ATP8A2: variants seen among roughly 807,000 people sequenced by gnomAD.
ATP8A2 encodes ATPase phospholipid transporting 8A2, also known as phospholipid-transporting ATPase IB.
A neutral mutation model predicts 165.6 loss-of-function variants in ATP8A2; 100 were observed. The ratio of observed to expected loss-of-function variants is 0.60; its 90% CI spans 0.51 to 0.71. ATP8A2 has a LOEUF of 0.71. Ranked by LOEUF, ATP8A2 falls within the 30% of genes least tolerant of loss-of-function variation. The pLI is 0.00. For synonymous variants in ATP8A2, 543 were observed against 548.8 expected, an observed-to-expected ratio of 0.99 and a Z score of 0.15; for missense variants, 1,227 against 1,479.5, an observed-to-expected ratio of 0.83 and a Z score of 2.80.
intron 24 of ATP8A2, among the ~76,000 whole-genome samples, chr13:25,606,088 T>C (rs1189589917): frequency 6.6e-6 from 1 of 152,222 alleles, no homozygotes; most frequent in Non-Finnish European, 1.5e-5. Flanking sequence ...GAAATGTGGG[T>C]ATTTTCTCAG....
chr13:25,785,054 G>A (rs1328284048), intron 27 of ATP8A2, among the ~76,000 whole-genome samples: 1 of 150,362 alleles, frequency 6.7e-6, no homozygotes. Context: ...TGAGCCACAC[G>A]TGGCCTACAT....
At chr13:25,666,266 A>G (rs1248678192) in intron 24 of ATP8A2, among the ~76,000 whole-genome samples, 1 of 152,054 alleles carries the variant, frequency 6.6e-6, no homozygotes, top group Non-Finnish European at 1.5e-5. Flanking sequence ...GCTGGATTGC[A>G]GTGGCACAAT....
chr13:25,565,691 C>T (rs1172026702), intron 16 of ATP8A2, among the ~76,000 whole-genome samples: 2 of 152,284 alleles, frequency 1.3e-5, no homozygotes, highest in East Asian at 3.9e-4. Flanking sequence ...TCTGTTTACT[C>T]TGCTGACTGT....
chr13:25,490,918 A>T (rs2036511347), intron 2 of ATP8A2, among the ~76,000 whole-genome samples: 1 of 151,830 alleles, frequency 6.6e-6, no homozygotes, highest in Admixed American at 6.6e-5. Context: ...ATTAAAGAAA[A>T]AATTTAGAGG....
chr13:25,738,907 T>C (rs2043845325), intron 25 of ATP8A2, among the ~76,000 whole-genome samples: 1 of 150,532 alleles, frequency 6.6e-6, no homozygotes, highest in Non-Finnish European at 1.5e-5. Flanking sequence ...CTAAAAATAG[T>C]GTACATTATT....
intron 24 of ATP8A2, among the ~76,000 whole-genome samples, chr13:25,654,450 C>T (rs141016400): frequency 2.6e-5 from 4 of 152,152 alleles, no homozygotes; most frequent in African/African-American, 7.2e-5. Flanking sequence ...ATGATCTGCC[C>T]GCCTTGGCCT....
At chr13:25,875,723 A>AAC (rs1325282506) in intron 33 of ATP8A2, among the ~76,000 whole-genome samples, 2 of 149,488 alleles carry the variant, frequency 1.3e-5, no homozygotes, top group African/African-American at 5.2e-5. Flanking sequence ...CACATAGGTG[A>AAC]TGTCTGTGGC....
chr13:25,465,755 C>CTCTCTCTCTCTCTCTCTCTCTT (rs746455176), intron 1 of ATP8A2, among the ~76,000 whole-genome samples: 4 of 11,834 alleles, frequency 3.4e-4, no homozygotes, highest in South Asian at 5.3e-3. Flanking sequence ...CTCCCTCTCT[C>CTCTCTCTCTCTCTCTCTCTCTT]TCTCTCTTTC....
In ATP8A2 at chr13:25,911,760, A is replaced by T. The variant is rs146146049; in HGVS notation, c.3183+49352A>T. 2.0e-5 allele frequency among the ~76,000 whole-genome samples: 3 copies of T among 152,318 alleles called. No individual in the cohort carries two copies. The East Asian group carries it at 5.8e-4, about 29-fold the overall frequency. On this transcript the variant is annotated intron_variant, in intron 33 of 36. Coordinates refer to ENST00000381655, the MANE Select transcript of ATP8A2 (RefSeq NM_016529.6). Reference sequence around the variant, plus strand: ...TATAGAAGAGGCATTTCCAGTTCAGATGTTAGGCTAAATGAGCCCCCAAAC... The same window carrying T: ...TATAGAAGAGGCATTTCCAGTTCAGTTGTTAGGCTAAATGAGCCCCCAAAC...
chr13:25,596,972 A>T (rs1023258843), intron 24 of ATP8A2, among the ~76,000 whole-genome samples: 3 of 152,128 alleles, frequency 2.0e-5, no homozygotes, highest in African/African-American at 7.2e-5. Flanking sequence ...TATTGATAAT[A>T]TCTCATTGTG....
intron 30 of ATP8A2, among the ~76,000 whole-genome samples, chr13:25,846,850 C>T (rs557754041): frequency 6.6e-6 from 1 of 152,296 alleles, no homozygotes; most frequent in African/African-American, 2.4e-5. Flanking sequence ...ATCCCCTTCT[C>T]CACCTGGTTG....
At chr13:25,904,960 T>C (rs2138967025) in intron 33 of ATP8A2, among the ~76,000 whole-genome samples, 1 of 152,270 alleles carries the variant, frequency 6.6e-6, no homozygotes, top group Non-Finnish European at 1.5e-5. Context: ...CTTTATCAAG[T>C]TTTTCCGAGT....
intron 1 of ATP8A2, among the ~76,000 whole-genome samples, chr13:25,445,464 T>C (rs2035042533): frequency 6.6e-6 from 1 of 152,216 alleles, no homozygotes; most frequent in Non-Finnish European, 1.5e-5. Flanking sequence ...GTCTCATTCA[T>C]CTTTGTTTTC....
intron 1 of ATP8A2, among the ~76,000 whole-genome samples, chr13:25,453,500 CG>C (rs1292464110): frequency 6.6e-6 from 1 of 152,056 alleles, no homozygotes; most frequent in Non-Finnish European, 1.5e-5. Context: ...CTTATGGCCT[CG>C]GGATTGGCTT....
intron 35 of ATP8A2, among the ~76,000 whole-genome samples, chr13:25,984,253 C>A (rs1956229113): frequency 6.6e-6 from 1 of 151,066 alleles, no homozygotes; most frequent in Admixed American, 6.6e-5. Context: ...AAAAAGTTAT[C>A]CAGGAGTAAT....
chr13:25,971,301 G>A (rs1446085386), intron 35 of ATP8A2, among the ~76,000 whole-genome samples: 2 of 142,716 alleles, frequency 1.4e-5, no homozygotes, highest in Non-Finnish European at 3.0e-5. Context: ...GGCCTCCTAA[G>A]CTGCCTCACA....
intron 33 of ATP8A2, among the ~76,000 whole-genome samples, chr13:25,931,568 G>T (rs1593580838): frequency 1.3e-5 from 2 of 152,288 alleles, no homozygotes; most frequent in East Asian, 3.9e-4. Flanking sequence ...CAGGCATGCT[G>T]GATAAGCAGT....
At chr13:25,531,648 A>T (rs1361871362) in intron 4 of ATP8A2, among the ~76,000 whole-genome samples, 2 of 151,970 alleles carry the variant, frequency 1.3e-5, no homozygotes, top group Non-Finnish European at 2.9e-5. Flanking sequence ...AAATGCTTCA[A>T]AATCCAAAAC....
chr13:25,885,450 C>G (rs1254092460), intron 33 of ATP8A2, among the ~76,000 whole-genome samples: 1 of 152,090 alleles, frequency 6.6e-6, no homozygotes, highest in Non-Finnish European at 1.5e-5. Flanking sequence ...TTTCCTGACC[C>G]TGGCCCTCTC....
Sources: allele counts gnomAD v4.1 joint callset (sites outside exome capture counted in the v4.1 genomes callset), GRCh38; gene constraint gnomAD v4.1.1; transcripts MANE v1.5; gene names NCBI Gene and HGNC (gene_info 2026-07-23, HGNC 2026-07-21).